Variants in INCENP observed in about 807,000 individuals in gnomAD.
INCENP encodes the protein inner centromere protein, also known as binds and activates aurora-B and -C in vivo and in vitro.
Under a neutral mutation model 107.3 loss-of-function variants are expected in INCENP, and 43 were observed. The observed-to-expected ratio is 0.40, with a 90% CI of 0.31 to 0.52. INCENP has a LOEUF of 0.52. INCENP is among the 20% of genes least tolerant of loss of function. INCENP has a pLI of 0.53. For synonymous variants in INCENP, 488 were observed against 494.4 expected, an observed-to-expected ratio of 0.99 and a Z score of 0.17; for missense variants, 1,089 against 1,250.9, an observed-to-expected ratio of 0.87 and a Z score of 1.95.
At chr11:62,138,075 A>G (rs1944029943) in intron 5 of INCENP, 192 bp downstream of exon 5, 1 of 618,356 alleles carries the variant, frequency 1.6e-6, no homozygotes, top group South Asian at 1.9e-5. Flanking sequence ...GTCTCCTTGC[A>G]GCACCCGTCA....
At position 62,138,724 on chromosome 11, in the gene INCENP, A is replaced by T; in HGVS notation, c.1127A>T (p.Lys376Met). Reference sequence around the variant, plus strand: ...TCTTCTGTTTTCAGTTCTGAGCAGAAGGAACCCCCCGAGGAGGCTGAGCCT... The same window carrying T: ...TCTTCTGTTTTCAGTTCTGAGCAGATGGAACCCCCCGAGGAGGCTGAGCCT... ...EVPQKVGSEQ[K>M]EPPEEAEPVA... Residue 376 changes from lysine to methionine, a missense_variant, in exon 6 of 19, where the codon AAG becomes ATG. Physicochemically the swap from Lys to Met is moderately conservative, Grantham distance 95. Coordinates refer to ENST00000394818, the MANE Select transcript of INCENP (RefSeq NM_001040694.2). 6.2e-7 allele frequency: 1 copy of T among 1,614,144 alleles called. No homozygotes were observed. The highest frequency in any genetic ancestry group is 1.3e-5 in the African/African-American group (1 of 75,054).
intron 13 of INCENP, 149 bp from the exon 14 acceptor site, chr11:62,145,480 C>A: frequency 7.7e-7 from 1 of 1,292,448 alleles, no homozygotes; most frequent in Non-Finnish European, 1.1e-6. Context: ...GACACTCAGG[C>A]AGGACCGGCT....
At chr11:62,124,339 GC>G (rs1479286634) in intron 1 of INCENP, among the ~76,000 whole-genome samples, 176 bp downstream of exon 1, 1 of 152,212 alleles carries the variant, frequency 6.6e-6, no homozygotes, top group East Asian at 1.9e-4. Flanking sequence ...TGGTTCTCGG[GC>G]CCGAGATGCC....
intron 5 of INCENP, 91 bp from the exon 6 acceptor site, chr11:62,138,622 G>A (rs1944041766): frequency 7.9e-7 from 1 of 1,267,672 alleles, no homozygotes; most frequent in Non-Finnish European, 1.1e-6. Context: ...TGACCTCTTG[G>A]GTCCCCATCC....
intron 11 of INCENP, among the ~76,000 whole-genome samples, chr11:62,144,287 G>A (rs575888387): frequency 4.5e-4 from 68 of 150,108 alleles, no homozygotes; most frequent in Non-Finnish European, 7.8e-4. Flanking sequence ...AGCCGAGATC[G>A]CGCCATTGCA....
In INCENP at chr11:62,130,409, G is replaced by A. The variant is rs770153476; in HGVS notation, c.882G>A (p.Thr294=). 1.9e-5 allele frequency: 30 copies of A among 1,613,506 alleles called. No homozygotes were observed. The highest frequency in any genetic ancestry group is 2.3e-5 in the Non-Finnish European group (27 of 1,180,020). The change falls in exon 4 of 19, where the codon ACG becomes ACA. Residue 294 remains threonine, a synonymous_variant. Transcript: ENST00000394818. ...PILPDNFSTP[T]GSRTDSQSVR... ...TGCCGGATAACTTCTCCACGCCCACGGGCTCTCGCACGGACTCTCAATCGG... is the reference window on the plus strand; with the variant it reads ...TGCCGGATAACTTCTCCACGCCCACAGGCTCTCGCACGGACTCTCAATCGG...
rs747140108 is a variant in INCENP at position 62,141,024 on chromosome 11, C to A, written c.1573C>A (p.Pro525Thr). The A allele has an allele frequency of 1.2e-6, 2 of 1,613,950 alleles. No homozygotes were observed. Among genetic ancestry groups the A allele is most frequent in the African/African-American group, 2.7e-5 (2 of 75,066 alleles). ...GAAGTCCTTTATTAAGCGCAACACT[C>A]CCCTGCGCATGGACCCCAAGGTGAG... ...VMKSFIKRNT[P>T]LRMDPKCSFV... Residue 525 changes from proline to threonine, a missense_variant, in exon 10 of 19, where the codon CCC (proline) becomes ACC (threonine). Pro to Thr is a conservative substitution (Grantham distance 38). Transcript: ENST00000394818.
chr11:62,124,950 T>C (rs1943718896), intron 1 of INCENP, among the ~76,000 whole-genome samples: 1 of 152,256 alleles, frequency 6.6e-6, no homozygotes, highest in South Asian at 2.1e-4. Flanking sequence ...CTATGCGCTT[T>C]CTGCACAGAG....
rs1477345618 is a variant in INCENP at position 62,150,070 on chromosome 11, C to T, written c.2405C>T (p.Thr802Ile). 14 of 1,613,798 alleles carry T rather than the reference C, an allele frequency of 8.7e-6. No individual in the cohort carries two copies. The Admixed American group carries it at 2.3e-4, about 27-fold the overall frequency. ...VTVDVQSPAC[T>I]SYQMTPQGHR... ...TTGTTTTTGCAGTCTCCAGCTTGTACCTCATATCAGATGACTCCGCAAGGG... is the reference window on the plus strand; with the variant it reads ...TTGTTTTTGCAGTCTCCAGCTTGTATCTCATATCAGATGACTCCGCAAGGG... Residue 802 changes from threonine (T) to isoleucine (I), a missense_variant, in exon 18 of 19, where the codon ACC becomes ATC. By Grantham distance (89) the Thr-to-Ile change is moderately conservative (BLOSUM62 -1). Coordinates refer to ENST00000394818, the MANE Select transcript of INCENP (RefSeq NM_001040694.2).
At chr11:62,131,195 G>A (rs1590608031) in intron 4 of INCENP, among the ~76,000 whole-genome samples, 1 of 152,308 alleles carries the variant, frequency 6.6e-6, no homozygotes, top group East Asian at 1.9e-4. Flanking sequence ...GGCCGGCCTG[G>A]GTCTGAGTGC....
At chr11:62,147,633 G>A (rs1024333800) in intron 15 of INCENP, among the ~76,000 whole-genome samples, 5 of 152,142 alleles carry the variant, frequency 3.3e-5, no homozygotes, top group South Asian at 2.1e-4. Context: ...TCCCTCTCCC[G>A]CTCTACCTCC....
intron 14 of INCENP, among the ~76,000 whole-genome samples, chr11:62,146,187 C>G (rs1462031644): frequency 6.6e-6 from 1 of 152,066 alleles, no homozygotes; most frequent in Non-Finnish European, 1.5e-5. Context: ...GAGTAAGGGC[C>G]CACCTCTTCC....
At chr11:62,135,583 T>G (rs954694585) in intron 4 of INCENP, among the ~76,000 whole-genome samples, 2 of 151,818 alleles carry the variant, frequency 1.3e-5, no homozygotes, top group African/African-American at 4.8e-5. Flanking sequence ...ATGGATCTTT[T>G]AGATGTGTCT....
At chr11:62,149,000 A>T (rs1288666870) in intron 17 of INCENP, among the ~76,000 whole-genome samples, 154 bp downstream of exon 17, 3 of 152,194 alleles carry the variant, frequency 2.0e-5, no homozygotes, top group Non-Finnish European at 4.4e-5. Context: ...ATTCTTTGTT[A>T]TTCTAAAAGT....
At chr11:62,132,812 TGGA>T (rs1288899127) in intron 4 of INCENP, among the ~76,000 whole-genome samples, 2 of 151,946 alleles carry the variant, frequency 1.3e-5, no homozygotes, top group Non-Finnish European at 2.9e-5. Flanking sequence ...CTTGAGGGGG[TGGA>T]GGAGAGAGAG....
chr11:62,146,973 G>A, intron 15 of INCENP, 71 bp downstream of exon 15: 2 of 1,573,436 alleles, frequency 1.3e-6, no homozygotes, highest in East Asian at 4.5e-5. Flanking sequence ...ACCTTGCCTG[G>A]ACACAGCCCC....
At chr11:62,139,608 CT>C (rs1944067191) in intron 7 of INCENP, among the ~76,000 whole-genome samples, 1 of 152,220 alleles carries the variant, frequency 6.6e-6, no homozygotes, top group African/African-American at 2.4e-5. Context: ...CTGTGAGGAA[CT>C]TTTGGAGTAA....
At chr11:62,146,951 G>T in intron 15 of INCENP, 49 bp downstream of exon 15, 19 of 1,589,954 alleles carry the variant, frequency 1.2e-5, no homozygotes, top group Non-Finnish European at 1.6e-5. Context: ...GTGTGGAAGA[G>T]AGACGGTGTG....
At chr11:62,148,927 T>A in intron 17 of INCENP, 81 bp downstream of exon 17, 1 of 817,788 alleles carries the variant, frequency 1.2e-6, no homozygotes, top group East Asian at 2.7e-5. Flanking sequence ...AGGCACAGGC[T>A]GTGTTAGGCC....
Sources: gnomAD v4.1 joint callset for allele counts (sites outside exome capture counted in the v4.1 genomes callset) on GRCh38, gnomAD v4.1.1 for gene constraint, MANE v1.5 for transcripts, NCBI Gene and HGNC (gene_info 2026-07-23, HGNC 2026-07-21) for gene names.